Variants in CNBD1 observed in about 807,000 individuals in gnomAD.
The protein encoded by CNBD1 is cyclic nucleotide-binding domain-containing protein 1.
In CNBD1, 71 loss-of-function variants were observed where a neutral mutation model predicts 54.4. The observed-to-expected ratio is 1.30, with a 90% confidence interval of 1.08 to 1.59. The LOEUF (loss-of-function observed/expected upper bound fraction) is 1.59. Among genes scored for constraint, CNBD1 ranks in the 40% most tolerant of loss-of-function variants. The pLI, the probability that CNBD1 is intolerant of heterozygous loss-of-function variation, is 0.00. For missense variants in CNBD1, 659 were observed against 518.0 expected (o/e 1.27, Z -2.64); for synonymous variants, 182 against 170.7 (o/e 1.07, Z -0.51).
chr8:87,040,643 C>T (rs996030409), intron 4 of CNBD1, among the ~76,000 whole-genome samples: 4 of 151,640 alleles, frequency 2.6e-5, no homozygotes, highest in Non-Finnish European at 5.9e-5. Flanking sequence ...CCAGGATGGT[C>T]TCCATCTCCT....
chr8:87,389,221 A>G (rs138665409), intron 2 of CNBD1, among the ~76,000 whole-genome samples: 5,262 of 152,242 alleles, frequency 0.035, 287 homozygotes, highest in African/African-American at 0.12. Context: ...CACCGCTGCT[A>G]TTCAACATAG....
At chr8:86,961,366 C>T (rs1188786663) in intron 4 of CNBD1, among the ~76,000 whole-genome samples, 2 of 152,146 alleles carry the variant, frequency 1.3e-5, no homozygotes, top group East Asian at 3.9e-4. Flanking sequence ...CCAAACAGCA[C>T]CAAAGGAGAA....
At chr8:87,137,094 T>TTTC (rs1812264582) in intron 4 of CNBD1, among the ~76,000 whole-genome samples, 1 of 107,896 alleles carries the variant, frequency 9.3e-6, no homozygotes. Flanking sequence ...TATATTTATA[T>TTTC]TATATGTAAA....
intron 6 of CNBD1, among the ~76,000 whole-genome samples, chr8:87,256,825 A>T (rs1808034173): frequency 6.6e-6 from 1 of 151,238 alleles, no homozygotes; most frequent in Non-Finnish European, 1.5e-5. Context: ...GATCTTTGTC[A>T]GTTGTGAGAT....
intron 4 of CNBD1, among the ~76,000 whole-genome samples, chr8:87,117,746 C>T (rs1467146801): frequency 6.6e-6 from 1 of 152,032 alleles, no homozygotes; most frequent in Non-Finnish European, 1.5e-5. Context: ...AAGAATACAG[C>T]CTGGTGAATT....
At position 87,225,451 on chromosome 8, in the gene CNBD1, G is replaced by A. The variant is rs1225033721; in HGVS notation, c.578-11468G>A. Among the ~76,000 whole-genome samples the A allele has an allele frequency of 6.6e-5, 10 of 151,546 alleles. No individual in the cohort carries two copies. The East Asian group carries it at 1.2e-3, about 18-fold the overall frequency. ...TTTATTGAGAGTTTTTAGCATGAAG[G>A]GTTGTTGAATTTTGTCAAAGGCCTT... On this transcript the variant is annotated intron_variant, in intron 5 of 10. Transcript: ENST00000518476.
At chr8:86,888,651 T>G (rs935463587) in intron 2 of CNBD1, among the ~76,000 whole-genome samples, 1 of 152,138 alleles carries the variant, frequency 6.6e-6, no homozygotes. Flanking sequence ...GAAGTGTTAG[T>G]TATTTTTATT....
In CNBD1 at chr8:87,351,534, T is replaced by C. The variant is rs1043650744; in HGVS notation, c.1043-151T>C. 9 of 630,270 alleles carry C rather than the reference T, an allele frequency of 1.4e-5. No homozygotes were observed. In the African/African-American group the frequency reaches 1.7e-4, roughly 12 times the overall value. The allele number at this position is 630,270 out of a possible 1,614,324, so 39.0% of individuals were successfully genotyped here. ...ATACTGGGCGTAATCTTTTACATCT[T>C]GTATTAAGTACTGTCTATAAACTGG... is the stretch of plus-strand genomic sequence containing the variant. On this transcript the variant is annotated intron_variant, in intron 8 of 10. Coordinates refer to ENST00000518476, the MANE Select transcript of CNBD1 (RefSeq NM_173538.3).
rs1377366367 is a variant in CNBD1 at position 87,150,167 on chromosome 8, ACT to A, written c.432-55823_432-55822del. Reference sequence around the variant, plus strand: ...ACGCCAGCCTGGGTGACAGAGCAAGACTCTGTCAAAAAACAAAAACAAAAACA... The same window carrying A: ...ACGCCAGCCTGGGTGACAGAGCAAGACTGTCAAAAAACAAAAACAAAAACA... On this transcript the variant is annotated intron_variant, in intron 4 of 10. Transcript: ENST00000518476. 4.0e-5 allele frequency among the ~76,000 whole-genome samples: 6 copies of A among 150,450 alleles called. No homozygotes were observed. In the East Asian group the frequency reaches 7.8e-4, roughly 19 times the overall value.
chr8:87,262,071 T>C (rs569476994), intron 6 of CNBD1, among the ~76,000 whole-genome samples: 99 of 152,180 alleles, frequency 6.5e-4, no homozygotes, highest in Non-Finnish European at 7.6e-4. Flanking sequence ...GGAGGATCAC[T>C]TGAACCCAGG....
intron 2 of CNBD1, among the ~76,000 whole-genome samples, chr8:87,412,268 A>T (rs1194422802): frequency 6.6e-6 from 1 of 152,110 alleles, no homozygotes; most frequent in Non-Finnish European, 1.5e-5. Context: ...GTGTTTTGGT[A>T]TGTGTTTTCC....
intron 5 of CNBD1, among the ~76,000 whole-genome samples, chr8:87,227,735 C>T (rs913950050): frequency 3.0e-4 from 44 of 149,042 alleles, no homozygotes; most frequent in Non-Finnish European, 5.2e-4. Context: ...TTGCTCTTCT[C>T]GAGGAGTATC....
At chr8:87,128,011 C>T (rs573850502) in intron 4 of CNBD1, among the ~76,000 whole-genome samples, 18 of 152,160 alleles carry the variant, frequency 1.2e-4, no homozygotes, top group African/African-American at 3.6e-4. Context: ...CAGAATGGCA[C>T]GATAAAGAGA....
At chr8:87,324,579 GTTTA>G (rs1168066836) in intron 8 of CNBD1, among the ~76,000 whole-genome samples, 1 of 144,962 alleles carries the variant, frequency 6.9e-6, no homozygotes, top group African/African-American at 2.7e-5. Context: ...AGATTTTCTA[GTTTA>G]TTTGCGTAGA....
chr8:86,984,151 G>T (rs1808551577), intron 4 of CNBD1, among the ~76,000 whole-genome samples: 1 of 152,142 alleles, frequency 6.6e-6, no homozygotes, highest in East Asian at 1.9e-4. Flanking sequence ...CAAACATAGA[G>T]CTTGGGCTGT....
intron 10 of CNBD1, among the ~76,000 whole-genome samples, chr8:87,371,227 A>T (rs888030306): frequency 1.3e-5 from 2 of 151,934 alleles, no homozygotes; most frequent in African/African-American, 4.8e-5. Context: ...TTTTGGTTCC[A>T]TATGAACTTT....
chr8:86,879,174 A>T (rs567028381), intron 1 of CNBD1, among the ~76,000 whole-genome samples: 1 of 152,222 alleles, frequency 6.6e-6, no homozygotes, highest in African/African-American at 2.4e-5. Context: ...CTGACAAATT[A>T]GAGTCACATT....
intron 6 of CNBD1, among the ~76,000 whole-genome samples, chr8:87,240,315 G>T: frequency 6.6e-6 from 1 of 151,932 alleles, no homozygotes; most frequent in East Asian, 1.9e-4. Flanking sequence ...AAATACATTT[G>T]GAATTATGTG....
At chr8:87,423,540 G>A (rs1019201855) in intron 2 of CNBD1, among the ~76,000 whole-genome samples, 1 of 150,888 alleles carries the variant, frequency 6.6e-6, no homozygotes, top group Non-Finnish European at 1.5e-5. Flanking sequence ...TAATCATGTG[G>A]TTTCTGTCTT....
Sources: gnomAD v4.1 joint callset for allele counts (sites outside exome capture counted in the v4.1 genomes callset) on GRCh38, gnomAD v4.1.1 for gene constraint, MANE v1.5 for transcripts, NCBI Gene and HGNC (gene_info 2026-07-23, HGNC 2026-07-21) for gene names.